Variants in HMCN1 observed in about 807,000 individuals in gnomAD.
HMCN1 encodes the protein hemicentin 1, also known as hemicentin-1.
HMCN1 carries 321 observed loss-of-function variants against 625.9 expected under a neutral mutation model. The ratio of observed to expected loss-of-function variants is 0.51; its 90% CI spans 0.47 to 0.56. HMCN1 has a LOEUF of 0.56. HMCN1 is among the 20% of genes least tolerant of loss of function. HMCN1 has a pLI of 0.00. For synonymous variants in HMCN1, 2,425 were observed against 2,417.6 expected, an observed-to-expected ratio of 1.00 and a Z score of -0.09; for missense variants, 6,588 against 6,887.3, an observed-to-expected ratio of 0.96 and a Z score of 1.54.
Position 186,128,291 on chromosome 1 carries a change from G to C in HMCN1, c.12904G>C (p.Ala4302Pro). 1 of 1,611,690 alleles carries C rather than the reference G, an allele frequency of 6.2e-7. No individual in the cohort carries two copies. The highest frequency in any genetic ancestry group is 8.5e-7 in the Non-Finnish European group (1 of 1,178,580). Residue 4302 changes from alanine (A) to proline (P), a missense_variant and splice_region_variant, in exon 83 of 107, where the codon GCC (alanine) becomes CCC (proline). By Grantham distance (27) the Ala-to-Pro change is conservative. This residue lies in a region of HMCN1 where 1,954 missense variants were observed against 2,013.1 expected (regional missense o/e 0.97). Coordinates refer to ENST00000271588, the MANE Select transcript of HMCN1 (RefSeq NM_031935.3). ...TWTFNNNIIPAHFDSVNGHSE... is the reference protein window; with the variant it reads ...TWTFNNNIIPPHFDSVNGHSE... ...GACCTTCAATAACAATATTATTCCA[G>C]GTTGGTCATTTAATTCTCAAGAAGT...
intron 1 of HMCN1, among the ~76,000 whole-genome samples, chr1:185,807,896 G>T (rs1270713090): frequency 6.6e-6 from 1 of 152,064 alleles, no homozygotes; most frequent in Non-Finnish European, 1.5e-5. Flanking sequence ...CAAGTGACGG[G>T]AATATTCTCT....
chr1:186,021,441 A>T (rs989157808), intron 35 of HMCN1, among the ~76,000 whole-genome samples: 1 of 152,112 alleles, frequency 6.6e-6, no homozygotes, highest in African/African-American at 2.4e-5. Context: ...GGCTGGACAT[A>T]TTGGCACATT....
intron 1 of HMCN1, among the ~76,000 whole-genome samples, chr1:185,738,853 C>G (rs1653778372): frequency 6.6e-6 from 1 of 152,144 alleles, no homozygotes; most frequent in African/African-American, 2.4e-5. Flanking sequence ...CTTTATGTAG[C>G]ATACAACTTC....
chr1:186,118,435 A>T (rs993745471), intron 77 of HMCN1, among the ~76,000 whole-genome samples: 1 of 152,212 alleles, frequency 6.6e-6, no homozygotes, highest in Non-Finnish European at 1.5e-5. Flanking sequence ...ATTTTAAAAT[A>T]AAGTATTAGG....
At chr1:186,108,709 T>C (rs1412022092) in intron 71 of HMCN1, 112 bp downstream of exon 71, 3 of 1,202,488 alleles carry the variant, frequency 2.5e-6, no homozygotes, top group Admixed American at 2.0e-5. Context: ...GGCTACTAAT[T>C]ATTCAACATT....
chr1:185,919,915 GCTT>G (rs1666917179), intron 6 of HMCN1, among the ~76,000 whole-genome samples: 1 of 152,158 alleles, frequency 6.6e-6, no homozygotes, highest in African/African-American at 2.4e-5. Flanking sequence ...GCACATTAGT[GCTT>G]TTTTCTCCTC....
intron 4 of HMCN1, among the ~76,000 whole-genome samples, chr1:185,894,155 CA>C (rs72365412): frequency 0.035 from 5,043 of 142,280 alleles, 288 homozygotes; most frequent in African/African-American, 0.15. Flanking sequence ...AAAACAAAAA[CA>C]AAAAAAACAA....
intron 51 of HMCN1, among the ~76,000 whole-genome samples, 161 bp from the exon 52 acceptor site, chr1:186,070,449 ACT>A (rs1275590509): frequency 1.3e-5 from 2 of 152,180 alleles, no homozygotes; most frequent in Non-Finnish European, 2.9e-5. Context: ...GTATTTGAAC[ACT>A]CTTTCATAAG....
chr1:186,062,580 C>G lies in HMCN1; in HGVS notation c.7493C>G (p.Thr2498Arg). Residue 2498 changes from threonine to arginine, a missense_variant, in exon 48 of 107, where the codon ACG becomes AGG. Thr to Arg is a moderately conservative substitution (Grantham distance 71, BLOSUM62 -1). Transcript: ENST00000271588. ...DVKVKEKQSV[T>R]LTCEVTGNPV... The stretch of plus-strand genomic sequence containing the variant: ...AAGGTAAAAGAGAAACAGAGTGTTA[C>G]GCTGACTTGTGAAGTGACAGGTATG... 6.2e-7 allele frequency: 1 copy of G among 1,611,716 alleles called. No homozygotes were observed. Among genetic ancestry groups the G allele is most frequent in the Non-Finnish European group, 8.5e-7 (1 of 1,178,090 alleles).
At chr1:185,817,050 A>G (rs144769947) in intron 1 of HMCN1, among the ~76,000 whole-genome samples, 69 of 152,322 alleles carry the variant, frequency 4.5e-4, no homozygotes, top group African/African-American at 1.6e-3. Flanking sequence ...AATATTTGCA[A>G]GTAAATACTA....
intron 30 of HMCN1, among the ~76,000 whole-genome samples, chr1:186,009,174 A>G (rs989662523): frequency 6.6e-6 from 1 of 152,138 alleles, no homozygotes; most frequent in African/African-American, 2.4e-5. Flanking sequence ...TCTCTGCACT[A>G]TTGTATTTTT....
At chr1:186,171,625 C>A (rs1002171889) in intron 101 of HMCN1, among the ~76,000 whole-genome samples, 175 bp downstream of exon 101, 1 of 152,052 alleles carries the variant, frequency 6.6e-6, no homozygotes, top group East Asian at 1.9e-4. Context: ...TTATGAGTTT[C>A]TTTTTCTAAT....
At chr1:185,821,564 A>G (rs1057144118) in intron 1 of HMCN1, among the ~76,000 whole-genome samples, 1 of 152,124 alleles carries the variant, frequency 6.6e-6, no homozygotes, top group African/African-American at 2.4e-5. Context: ...TGTAATTCAT[A>G]TATCACATAT....
intron 1 of HMCN1, among the ~76,000 whole-genome samples, chr1:185,759,115 A>T (rs982957311): frequency 6.6e-6 from 1 of 152,248 alleles, no homozygotes; most frequent in Non-Finnish European, 1.5e-5. Context: ...ACATATAAAC[A>T]TAACTTGGCT....
At chr1:186,006,807 T>G (rs1320233618) in intron 29 of HMCN1, among the ~76,000 whole-genome samples, 1 of 151,266 alleles carries the variant, frequency 6.6e-6, no homozygotes, top group Non-Finnish European at 1.5e-5. Flanking sequence ...AACCAAAAAA[T>G]TTAAAAAAAG....
chr1:185,749,332 A>G lies in HMCN1; in HGVS notation c.268+14285A>G, dbSNP rs183225172. On this transcript the variant is annotated intron_variant, in intron 1 of 106. Coordinates refer to ENST00000271588, the MANE Select transcript of HMCN1 (RefSeq NM_031935.3). ...GAACTAGTTCAGTGATGGAGACAGC[A>G]GATTGAATGTTTTCTTTTTCATGAC... 7.5e-4 allele frequency among the ~76,000 whole-genome samples: 115 copies of G among 152,336 alleles called. 1 individual carries two copies. Among genetic ancestry groups the G allele is most frequent in the South Asian group, 4.1e-4 (2 of 4,828 alleles).
chr1:186,080,971 A>C (rs1157636225), intron 55 of HMCN1, among the ~76,000 whole-genome samples: 1 of 152,182 alleles, frequency 6.6e-6, no homozygotes, highest in Non-Finnish European at 1.5e-5. Flanking sequence ...GAATGATACT[A>C]TCTGAGGGAT....
chr1:186,000,448 GTAGAAAAAGATACA>G (rs1401850381), intron 26 of HMCN1, among the ~76,000 whole-genome samples: 1 of 151,604 alleles, frequency 6.6e-6, no homozygotes, highest in Non-Finnish European at 1.5e-5. Flanking sequence ...AATTCAAATG[GTAGAAAAAGATACA>G]TAGTAAAAAG....
intron 46 of HMCN1, among the ~76,000 whole-genome samples, chr1:186,057,664 A>G (rs1332372296): frequency 6.6e-6 from 1 of 152,040 alleles, no homozygotes; most frequent in East Asian, 1.9e-4. Context: ...ATGTCAAAGC[A>G]TTCATGCTAC....
Sources: allele counts gnomAD v4.1 joint callset (sites outside exome capture counted in the v4.1 genomes callset), GRCh38; gene constraint gnomAD v4.1.1; regional missense constraint gnomAD v4.1.1; transcripts MANE v1.5; gene names NCBI Gene and HGNC (gene_info 2026-07-23, HGNC 2026-07-21).